The following IQGAP2 variants were observed in gnomAD, a reference collection of about 807,000 sequenced individuals.
The protein encoded by IQGAP2 is IQ motif containing GTPase activating protein 2.
Under a neutral mutation model 201.3 loss-of-function variants are expected in IQGAP2, and 173 were observed. The observed-to-expected ratio is 0.86, with a 90% CI of 0.76 to 0.98. IQGAP2 has a LOEUF of 0.98. Among genes scored for constraint, IQGAP2 ranks in the 50% least tolerant of loss-of-function variants. The pLI, the probability that IQGAP2 is intolerant of heterozygous loss-of-function variation, is 0.00. For missense variants in IQGAP2, 1,687 were observed against 1,864.8 expected, an observed-to-expected ratio of 0.90 and a Z score of 1.76; for synonymous variants, 675 against 673.9, an observed-to-expected ratio of 1.00 and a Z score of -0.03.
At chr5:76,567,660 C>A (rs934525875) in intron 3 of IQGAP2, among the ~76,000 whole-genome samples, 1 of 152,164 alleles carries the variant, frequency 6.6e-6, no homozygotes, top group African/African-American at 2.4e-5. Flanking sequence ...TTGAGCCTAA[C>A]AAGTTAGGTC....
intron 1 of IQGAP2, among the ~76,000 whole-genome samples, chr5:76,426,721 C>G (rs1449904297): frequency 6.6e-6 from 1 of 152,166 alleles, no homozygotes; most frequent in East Asian, 1.9e-4. Flanking sequence ...ACTAAGGCCC[C>G]TTCCAGCTCT....
chr5:76,585,965 A>C (rs1441000279), intron 5 of IQGAP2, among the ~76,000 whole-genome samples: 1 of 152,232 alleles, frequency 6.6e-6, no homozygotes, highest in Non-Finnish European at 1.5e-5. Flanking sequence ...TGTTCCAAGT[A>C]ATATGAGCAC....
intron 1 of IQGAP2, among the ~76,000 whole-genome samples, chr5:76,460,908 C>T (rs1424531870): frequency 1.4e-5 from 2 of 141,824 alleles, no homozygotes; most frequent in Non-Finnish European, 3.0e-5. Flanking sequence ...CTAACTCTAT[C>T]GCCCAGGGTG....
chr5:76,559,994 C>G (rs1246059600), intron 2 of IQGAP2, among the ~76,000 whole-genome samples: 1 of 152,080 alleles, frequency 6.6e-6, no homozygotes, highest in Non-Finnish European at 1.5e-5. Context: ...AATTTTCTTA[C>G]TTTTTTTGTT....
intron 5 of IQGAP2, among the ~76,000 whole-genome samples, chr5:76,583,729 T>C (rs1038376765): frequency 1.3e-5 from 2 of 152,172 alleles, no homozygotes; most frequent in African/African-American, 4.8e-5. Context: ...AAATTAAAAA[T>C]GTAATTGGAA....
intron 2 of IQGAP2, among the ~76,000 whole-genome samples, chr5:76,481,191 T>TA (rs1440277906): frequency 1.3e-5 from 2 of 152,086 alleles, no homozygotes; most frequent in Middle Eastern, 3.2e-3. Context: ...AGCAGCCTTA[T>TA]ATGGGAACTG....
At chr5:76,528,397 A>C (rs1222391275) in intron 2 of IQGAP2, among the ~76,000 whole-genome samples, 2 of 152,200 alleles carry the variant, frequency 1.3e-5, no homozygotes, top group Non-Finnish European at 2.9e-5. Flanking sequence ...GCACCAGCAC[A>C]CAGTAAGTGT....
intron 2 of IQGAP2, among the ~76,000 whole-genome samples, chr5:76,539,480 T>A (rs1742613375): frequency 1.3e-5 from 2 of 152,174 alleles, no homozygotes; most frequent in Non-Finnish European, 2.9e-5. Context: ...AACTGTGAAG[T>A]CTTCAGCTCA....
At chr5:76,464,408 T>C (rs1037359638) in intron 2 of IQGAP2, among the ~76,000 whole-genome samples, 1 of 152,242 alleles carries the variant, frequency 6.6e-6, no homozygotes, top group Non-Finnish European at 1.5e-5. Context: ...CATATGTGTG[T>C]TCACATGAAT....
chr5:76,667,422 C>T (rs1252846853), intron 22 of IQGAP2, among the ~76,000 whole-genome samples: 1 of 152,190 alleles, frequency 6.6e-6, no homozygotes, highest in Admixed American at 6.5e-5. Context: ...ATTTTCTTCT[C>T]TTGTCAGAAA....
intron 1 of IQGAP2, among the ~76,000 whole-genome samples, chr5:76,454,279 G>C (rs1003687111): frequency 2.0e-5 from 3 of 151,220 alleles, no homozygotes; most frequent in African/African-American, 7.3e-5. Context: ...AAAGAAATTA[G>C]ATATATATAT....
intron 2 of IQGAP2, among the ~76,000 whole-genome samples, chr5:76,542,443 C>T (rs1426017537): frequency 4.6e-5 from 7 of 152,240 alleles, no homozygotes; most frequent in Non-Finnish European, 7.3e-5. Context: ...CTTACCGGTA[C>T]CGGCCTCACC....
intron 1 of IQGAP2, among the ~76,000 whole-genome samples, chr5:76,427,981 C>T (rs1752109372): frequency 6.6e-6 from 1 of 152,222 alleles, no homozygotes; most frequent in Non-Finnish European, 1.5e-5. Context: ...CCTGCAGTTC[C>T]TTACCTGGCA....
intron 2 of IQGAP2, among the ~76,000 whole-genome samples, chr5:76,476,932 C>G (rs1351789101): frequency 1.3e-5 from 2 of 152,136 alleles, no homozygotes. Context: ...ATTCACCGAG[C>G]AACACTTAAC....
At chr5:76,413,341 G>T (rs1037582683) in intron 1 of IQGAP2, among the ~76,000 whole-genome samples, 1 of 151,450 alleles carries the variant, frequency 6.6e-6, no homozygotes, top group Non-Finnish European at 1.5e-5. Flanking sequence ...GCTATTTTTT[G>T]TATTTTTAGT....
intron 1 of IQGAP2, among the ~76,000 whole-genome samples, chr5:76,410,764 T>C (rs927938577): frequency 2.6e-5 from 4 of 152,216 alleles, no homozygotes; most frequent in African/African-American, 7.2e-5. Flanking sequence ...CAGATTTCAC[T>C]GATTTACGGT....
chr5:76,572,962 G>A (rs1327199764), intron 4 of IQGAP2, among the ~76,000 whole-genome samples: 1 of 152,122 alleles, frequency 6.6e-6, no homozygotes, highest in Non-Finnish European at 1.5e-5. Context: ...AATGATCAGT[G>A]TTTAAATTTT....
chr5:76,466,368 A>T (rs936707934), intron 2 of IQGAP2, among the ~76,000 whole-genome samples: 1 of 152,152 alleles, frequency 6.6e-6, no homozygotes, highest in Non-Finnish European at 1.5e-5. Context: ...TTATATGGAG[A>T]TGCAAGGAAT....
chr5:76,525,814 G>A (rs1193201808), intron 2 of IQGAP2, among the ~76,000 whole-genome samples: 1 of 152,102 alleles, frequency 6.6e-6, no homozygotes, highest in Non-Finnish European at 1.5e-5. Flanking sequence ...TCTAGTTGTG[G>A]GACCTAATGA....
Sources: gnomAD v4.1 joint callset for allele counts (sites outside exome capture counted in the v4.1 genomes callset) on GRCh38, gnomAD v4.1.1 for gene constraint, MANE v1.5 for transcripts, NCBI Gene and HGNC (gene_info 2026-07-23, HGNC 2026-07-21) for gene names.